The following C13orf42 variants were observed in gnomAD, a reference collection of about 807,000 sequenced individuals.
The protein encoded by C13orf42 is chromosome 13 open reading frame 42, also known as uncharacterized protein C13orf42.
intron 1 of C13orf42, among the ~76,000 whole-genome samples, chr13:51,104,982 A>C (rs1953336816): frequency 6.6e-6 from 1 of 152,224 alleles, no homozygotes; most frequent in Non-Finnish European, 1.5e-5. Flanking sequence ...CACAGGGAGC[A>C]ATCGGCTGTC....
At chr13:51,084,741 T>C (rs1484324765) in intron 3 of C13orf42, among the ~76,000 whole-genome samples, 1 of 152,176 alleles carries the variant, frequency 6.6e-6, no homozygotes, top group Non-Finnish European at 1.5e-5. Context: ...CAGAAAGAGC[T>C]TACTGCTCTG....
At chr13:51,159,772 G>C (rs1953850366) in intron 1 of C13orf42, among the ~76,000 whole-genome samples, 1 of 151,990 alleles carries the variant, frequency 6.6e-6, no homozygotes, top group African/African-American at 2.4e-5. Flanking sequence ...ACAGCATGAA[G>C]TGTCTCGTTT....
intron 1 of C13orf42, among the ~76,000 whole-genome samples, chr13:51,150,033 A>G (rs1953767308): frequency 6.6e-6 from 1 of 152,254 alleles, no homozygotes; most frequent in South Asian, 2.1e-4. Context: ...AGACCTTTGT[A>G]TTTAGAAGTT....
chr13:51,100,935 A>T (rs1191916337), intron 1 of C13orf42, among the ~76,000 whole-genome samples: 2 of 152,208 alleles, frequency 1.3e-5, no homozygotes, highest in Non-Finnish European at 2.9e-5. Context: ...TTTGTTTTCA[A>T]AAAGTAGTTA....
intron 1 of C13orf42, among the ~76,000 whole-genome samples, chr13:51,166,468 A>C (rs896867633): frequency 7.3e-6 from 1 of 137,560 alleles, no homozygotes; most frequent in South Asian, 2.6e-4. Flanking sequence ...GGGGAGGGAT[A>C]GCATCGGGAG....
intron 1 of C13orf42, among the ~76,000 whole-genome samples, chr13:51,135,557 G>A (rs1006230012): frequency 6.6e-6 from 1 of 151,556 alleles, no homozygotes; most frequent in Non-Finnish European, 1.5e-5. Flanking sequence ...GTAGACTGTA[G>A]CAAGAAGATT....
chr13:51,163,884 C>CA (rs1266719743), intron 1 of C13orf42, among the ~76,000 whole-genome samples: 1 of 151,958 alleles, frequency 6.6e-6, no homozygotes, highest in Non-Finnish European at 1.5e-5. Flanking sequence ...TGAAACACCG[C>CA]AAGTGTTTAG....
At chr13:51,171,590 C>T (rs1338606936) in intron 1 of C13orf42, among the ~76,000 whole-genome samples, 1 of 152,142 alleles carries the variant, frequency 6.6e-6, no homozygotes, top group Non-Finnish European at 1.5e-5. Context: ...TCCTCAGCCT[C>T]TGCTCCTCCA....
chr13:51,170,119 C>T (rs1037559612), intron 1 of C13orf42, among the ~76,000 whole-genome samples: 2 of 152,136 alleles, frequency 1.3e-5, no homozygotes, highest in Non-Finnish European at 2.9e-5. Context: ...TTGCGATCCC[C>T]ACTCCTACCC....
At chr13:51,091,718 A>T (rs1317586229) in intron 1 of C13orf42, among the ~76,000 whole-genome samples, 1 of 152,076 alleles carries the variant, frequency 6.6e-6, no homozygotes, top group Non-Finnish European at 1.5e-5. Context: ...GGACCCGAAC[A>T]TAGGGGAGAC....
intron 1 of C13orf42, among the ~76,000 whole-genome samples, chr13:51,133,610 TG>T (rs1252164868): frequency 1.3e-5 from 2 of 152,216 alleles, no homozygotes; most frequent in Admixed American, 1.3e-4. Flanking sequence ...CTGGGAGCCC[TG>T]GGGCTGGGTC....
chr13:51,139,179 G>A (rs1303285169), intron 1 of C13orf42, among the ~76,000 whole-genome samples: 2 of 152,098 alleles, frequency 1.3e-5, no homozygotes, highest in Non-Finnish European at 2.9e-5. Flanking sequence ...GCTGGGCATG[G>A]TGGCGCACAC....
At chr13:51,108,311 T>C (rs1229358310) in intron 1 of C13orf42, among the ~76,000 whole-genome samples, 3 of 152,166 alleles carry the variant, frequency 2.0e-5, no homozygotes, top group Non-Finnish European at 4.4e-5. Context: ...GTTCAACTCA[T>C]AGTAGGTAGT....
intron 1 of C13orf42, among the ~76,000 whole-genome samples, chr13:51,147,876 G>A (rs1019497801): frequency 6.6e-6 from 1 of 152,166 alleles, no homozygotes; most frequent in African/African-American, 2.4e-5. Context: ...GGGAGGAACG[G>A]GTCTGTGGCT....
chr13:51,151,724 G>A (rs995458192), intron 1 of C13orf42, among the ~76,000 whole-genome samples: 11 of 152,218 alleles, frequency 7.2e-5, no homozygotes, highest in African/African-American at 2.7e-4. Flanking sequence ...CAAGCCCTGA[G>A]GGAGCACTGA....
intron 1 of C13orf42, among the ~76,000 whole-genome samples, chr13:51,090,629 C>A (rs1363683573): frequency 6.6e-6 from 1 of 152,112 alleles, no homozygotes; most frequent in Non-Finnish European, 1.5e-5. Context: ...ATCTGGGTTA[C>A]CCTATTATTT....
chr13:51,097,742 A>G (rs1953250423), intron 1 of C13orf42, among the ~76,000 whole-genome samples: 1 of 150,698 alleles, frequency 6.6e-6, no homozygotes, highest in Non-Finnish European at 1.5e-5. Flanking sequence ...TTCCCTCCCA[A>G]TCTTGATTTT....
chr13:51,101,955 T>C (rs1278088761), intron 1 of C13orf42, among the ~76,000 whole-genome samples: 2 of 152,204 alleles, frequency 1.3e-5, no homozygotes, highest in East Asian at 1.9e-4. Context: ...AGCAAACAGC[T>C]TGTGCTCAGA....
chr13:51,115,821 T>G (rs1432766716), upstream of C13orf42, among the ~76,000 whole-genome samples: 1 of 152,218 alleles, frequency 6.6e-6, no homozygotes, highest in African/African-American at 2.4e-5. Flanking sequence ...ATTTGCACAG[T>G]GTATTGGAAC....
Sources: gnomAD v4.1 joint callset for allele counts (sites outside exome capture counted in the v4.1 genomes callset) on GRCh38, gnomAD v4.1.1 for gene constraint, MANE v1.5 for transcripts, NCBI Gene and HGNC (gene_info 2026-07-23, HGNC 2026-07-21) for gene names.